Variants in HPSE2 observed in about 807,000 individuals in gnomAD.
The protein encoded by HPSE2 is heparanase 2 (inactive).
HPSE2 carries 38 observed loss-of-function variants against 60.5 expected under a neutral mutation model. The observed-to-expected ratio is 0.63, with a 90% CI of 0.48 to 0.82. HPSE2 has a LOEUF of 0.82. Among genes scored for constraint, HPSE2 ranks in the 40% least tolerant of loss-of-function variants. HPSE2 has a pLI of 0.00. For missense variants in HPSE2, 713 were observed against 740.4 expected, an observed-to-expected ratio of 0.96 and a Z score of 0.43; for synonymous variants, 295 against 293.2, an observed-to-expected ratio of 1.01 and a Z score of -0.06.
chr10:99,070,698 A>C (rs999014111), intron 3 of HPSE2, among the ~76,000 whole-genome samples: 9 of 151,948 alleles, frequency 5.9e-5, no homozygotes, highest in Non-Finnish European at 1.0e-4. Context: ...CCACAATTCT[A>C]TTTTCTGATT....
intron 3 of HPSE2, among the ~76,000 whole-genome samples, chr10:98,986,965 G>A (rs2135323726): frequency 6.6e-6 from 1 of 152,214 alleles, no homozygotes. Context: ...TCTCTGAACA[G>A]ACCAATAGCA....
At chr10:98,940,006 C>T (rs1226537093) in intron 3 of HPSE2, among the ~76,000 whole-genome samples, 2 of 143,494 alleles carry the variant, frequency 1.4e-5, no homozygotes, top group Non-Finnish European at 3.0e-5. Context: ...GAAATGAAGG[C>T]AGAAATAAAG....
chr10:98,778,298 A>AGAC (rs1950390952), intron 3 of HPSE2, among the ~76,000 whole-genome samples: 1 of 29,392 alleles, frequency 3.4e-5, no homozygotes. Flanking sequence ...GAGAGAGAGA[A>AGAC]AGCAAGAAAG....
intron 3 of HPSE2, among the ~76,000 whole-genome samples, chr10:98,993,209 A>C (rs1412425775): frequency 6.6e-6 from 1 of 152,220 alleles, no homozygotes; most frequent in Non-Finnish European, 1.5e-5. Flanking sequence ...GTAAGCTTTC[A>C]CATAAGAGAT....
At chr10:98,935,561 T>C (rs1589388815) in intron 3 of HPSE2, among the ~76,000 whole-genome samples, 1 of 144,302 alleles carries the variant, frequency 6.9e-6, no homozygotes, top group Non-Finnish European at 1.5e-5. Flanking sequence ...GCAGGTCTGC[T>C]GCAGCTTGCT....
At chr10:98,882,391 TA>T (rs1370370888) in intron 3 of HPSE2, among the ~76,000 whole-genome samples, 2 of 152,078 alleles carry the variant, frequency 1.3e-5, no homozygotes, top group Non-Finnish European at 2.9e-5. Context: ...CTTACAACAA[TA>T]TTTTTTTTTT....
intron 3 of HPSE2, among the ~76,000 whole-genome samples, chr10:98,960,370 C>T (rs187527894): frequency 1.6e-4 from 25 of 152,138 alleles, no homozygotes; most frequent in Admixed American, 1.4e-3. Context: ...TTTTTAGTTA[C>T]GGTCTATTTA....
chr10:98,473,513 A>T (rs1940870052), intron 11 of HPSE2, among the ~76,000 whole-genome samples: 2 of 127,264 alleles, frequency 1.6e-5, no homozygotes, highest in Non-Finnish European at 1.6e-5. Flanking sequence ...AAGAAGGCAG[A>T]AAAAGAGAAA....
At chr10:99,091,707 C>T (rs571773948) in intron 3 of HPSE2, among the ~76,000 whole-genome samples, 19 of 152,238 alleles carry the variant, frequency 1.2e-4, no homozygotes, top group Non-Finnish European at 2.5e-4. Flanking sequence ...TGCCCAGCTG[C>T]TTTTAATTTA....
chr10:99,293,121 C>T, the HPSE2 span, among the ~76,000 whole-genome samples: 3 of 152,086 alleles, frequency 2.0e-5, no homozygotes, highest in Non-Finnish European at 2.9e-5. Context: ...GCTACCCATA[C>T]CCCACATACC....
chr10:98,491,117 T>A (rs1307079410), intron 9 of HPSE2, among the ~76,000 whole-genome samples: 1 of 152,220 alleles, frequency 6.6e-6, no homozygotes, highest in African/African-American at 2.4e-5. Context: ...ATTCAGTGAA[T>A]ATACTATTCA....
In HPSE2 at chr10:98,581,409, A is replaced by G. The variant is rs145377665; in HGVS notation, c.1320+33495T>C. Among the ~76,000 whole-genome samples the G allele has an allele frequency of 1.2e-3, 187 of 152,316 alleles. 2 individuals are homozygous for G. Among genetic ancestry groups the G allele is most frequent in the African/African-American group, 4.1e-3 (171 of 41,570 alleles). On this transcript the variant is annotated intron_variant, in intron 9 of 11. Coordinates refer to ENST00000370552, the MANE Select transcript of HPSE2 (RefSeq NM_021828.5). ...ACTTAGTGTGGGCTTTAGAGCCTCT[A>G]TAAGTCAGAGATTTGATAAAAATTT... is the stretch of plus-strand genomic sequence containing the variant.
chr10:98,859,174 G>A (rs1952392025), intron 3 of HPSE2, among the ~76,000 whole-genome samples: 1 of 152,164 alleles, frequency 6.6e-6, no homozygotes, highest in Admixed American at 6.5e-5. Context: ...ATGCCGCCAT[G>A]CTTATTTGTT....
chr10:98,615,672 C>A (rs1945886812), intron 8 of HPSE2, among the ~76,000 whole-genome samples: 2 of 152,198 alleles, frequency 1.3e-5, no homozygotes, highest in Admixed American at 6.5e-5. Context: ...ATGCCAAACA[C>A]CTATTTTCCA....
intron 9 of HPSE2, among the ~76,000 whole-genome samples, chr10:98,573,712 T>A (rs1050123646): frequency 6.6e-6 from 1 of 152,270 alleles, no homozygotes; most frequent in Middle Eastern, 3.4e-3. Flanking sequence ...AAAGTCTTTA[T>A]CTGCAAAGGA....
chr10:98,651,752 T>C (rs1405802841), intron 6 of HPSE2, among the ~76,000 whole-genome samples: 1 of 150,978 alleles, frequency 6.6e-6, no homozygotes, highest in Admixed American at 6.6e-5. Flanking sequence ...GAAGGGTAGA[T>C]CCCCTTTAAA....
At chr10:99,255,263 G>A in the HPSE2 span, among the ~76,000 whole-genome samples, 3 of 152,088 alleles carry the variant, frequency 2.0e-5, no homozygotes, top group Non-Finnish European at 4.4e-5. Context: ...GTATGAAAAC[G>A]TGATTACTGG....
chr10:98,674,593 A>C (rs1173188031), intron 6 of HPSE2, among the ~76,000 whole-genome samples: 2 of 152,244 alleles, frequency 1.3e-5, no homozygotes, highest in Non-Finnish European at 2.9e-5. Context: ...TTTCATCTCA[A>C]GATTGTGTAT....
chr10:98,982,840 G>C (rs910052467), intron 3 of HPSE2, among the ~76,000 whole-genome samples: 3 of 152,088 alleles, frequency 2.0e-5, no homozygotes, highest in African/African-American at 7.2e-5. Context: ...TAATTATTGA[G>C]GTGAAAAAGT....
Sources: allele counts gnomAD v4.1 joint callset (sites outside exome capture counted in the v4.1 genomes callset), GRCh38; gene constraint gnomAD v4.1.1; transcripts MANE v1.5; gene names NCBI Gene and HGNC (gene_info 2026-07-23, HGNC 2026-07-21).